RBFOX1: variants seen among roughly 807,000 people sequenced by gnomAD.
The protein encoded by RBFOX1 is RNA binding protein fox-1 homolog 1.
In RBFOX1, 8 loss-of-function variants were observed where a neutral mutation model predicts 57.7. The observed-to-expected ratio is 0.14, with a 90% CI of 0.08 to 0.25. The LOEUF (loss-of-function observed/expected upper bound fraction) is 0.25. Among genes scored for constraint, RBFOX1 ranks in the 10% least tolerant of loss-of-function variants. The pLI is 1.00. For missense variants in RBFOX1, 611 were observed against 548.5 expected (o/e 1.11, Z -1.14); for synonymous variants, 326 against 222.4 (o/e 1.47, Z -4.15).
chr16:6,941,994 G>A (rs1477904320), intron 3 of RBFOX1, among the ~76,000 whole-genome samples: 9 of 152,190 alleles, frequency 5.9e-5, no homozygotes, highest in East Asian at 1.9e-4. Context: ...TTTACCAGGC[G>A]GAGGTGGGCA....
intron 3 of RBFOX1, among the ~76,000 whole-genome samples, chr16:7,011,809 G>T (rs965780635): frequency 6.6e-6 from 1 of 152,122 alleles, no homozygotes; most frequent in Non-Finnish European, 1.5e-5. Flanking sequence ...CCGCCGCACC[G>T]TGCCCCAAGT....
intron 2 of RBFOX1, among the ~76,000 whole-genome samples, chr16:6,321,828 T>G (rs1294781925): frequency 6.6e-6 from 1 of 152,232 alleles, no homozygotes; most frequent in Non-Finnish European, 1.5e-5. Flanking sequence ...ATTTCCTCAG[T>G]ATTCGTCTTC....
At position 5,834,577 on chromosome 16, in the gene RBFOX1, CATAGATAG is replaced by C. The variant is rs141276552; in HGVS notation, c.319-32687_319-32680del. On this transcript the variant is annotated intron_variant, in intron 3 of 19. Coordinates refer to the RBFOX1 transcript ENST00000641259. ...GTGATAAATATAGAAGTGCATGTGT[CATAGATAG>C]ATAGATAGATAGATAGATAGATAGA... Among the ~76,000 whole-genome samples the C allele has an allele frequency of 1.0e-2, 1,474 of 147,474 alleles. 8 individuals are homozygous for C. The highest frequency in any genetic ancestry group is 0.023 in the African/African-American group (895 of 39,354).
chr16:6,619,773 T>A (rs12922248), intron 2 of RBFOX1, among the ~76,000 whole-genome samples: 27,826 of 150,708 alleles, frequency 0.18, 3,011 homozygotes, highest in Middle Eastern at 0.24. Context: ...ACCTGTGTCA[T>A]GGGGACTTGT....
chr16:6,494,818 G>A (rs778387845), intron 2 of RBFOX1, among the ~76,000 whole-genome samples: 3 of 152,284 alleles, frequency 2.0e-5, no homozygotes, highest in Non-Finnish European at 2.9e-5. Context: ...TTGTACCCAC[G>A]TCTTAATGTT....
At position 6,759,473 on chromosome 16, in the gene RBFOX1, CTGTGTGTGTGTGTGTGTG is replaced by C. The variant is rs71145287; in HGVS notation, c.-16+104855_-16+104872del. 6.6e-3 allele frequency among the ~76,000 whole-genome samples: 945 copies of C among 143,166 alleles called. 4 individuals are homozygous for C. The highest frequency in any genetic ancestry group is 0.018 in the African/African-American group (673 of 37,292). 93.9% of individuals were successfully genotyped at this position (143,166 alleles called of 152,430 possible). A position where few individuals can be genotyped will look rare whatever the true frequency, so the allele number is the denominator to read the frequency against. ...CTTCATTTCTTGATATGTCAGTTGT[CTGTGTGTGTGTGTGTGTG>C]TGTGTGTGTGTGTGTGTGTGTGTGT... On this transcript the variant is annotated intron_variant, in intron 3 of 15. Transcript: ENST00000550418.
intron 2 of RBFOX1, among the ~76,000 whole-genome samples, chr16:6,651,223 C>T (rs1233718573): frequency 6.6e-6 from 1 of 152,146 alleles, no homozygotes; most frequent in Non-Finnish European, 1.5e-5. Flanking sequence ...ATGTTTGTAA[C>T]TCCCTACACA....
chr16:7,697,746 G>C (rs148679652), intron 14 of RBFOX1, among the ~76,000 whole-genome samples: 8 of 152,060 alleles, frequency 5.3e-5, no homozygotes, highest in African/African-American at 9.7e-5. Flanking sequence ...TTCACCCTTG[G>C]AACTTTGGCC....
In RBFOX1 at chr16:6,402,254, C is replaced by G. The variant is rs189087609; in HGVS notation, c.-64+85197C>G. 3.3e-4 allele frequency among the ~76,000 whole-genome samples: 50 copies of G among 152,238 alleles called. 1 individual carries two copies. Among genetic ancestry groups the G allele is most frequent in the Admixed American group, 1.6e-3 (25 of 15,286 alleles). ...TGACCCTGACATTCATCCCCACCCA[C>G]TGGTCTCTGGGGTAGAATAAACTTC... is the stretch of plus-strand genomic sequence containing the variant. On this transcript the variant is annotated intron_variant, in intron 2 of 15. Coordinates refer to ENST00000550418, the MANE Select transcript of RBFOX1 (RefSeq NM_018723.4).
chr16:6,196,992 A>G (rs2097183901), intron 1 of RBFOX1, among the ~76,000 whole-genome samples: 1 of 152,194 alleles, frequency 6.6e-6, no homozygotes, highest in Non-Finnish European at 1.5e-5. Context: ...TGTGTGTATT[A>G]GAGTGGAATA....
At chr16:6,935,550 G>A (rs1422444582) in intron 3 of RBFOX1, among the ~76,000 whole-genome samples, 1 of 152,146 alleles carries the variant, frequency 6.6e-6, no homozygotes, top group East Asian at 1.9e-4. Flanking sequence ...AGTAGTATTT[G>A]CAGCCAAGAT....
At chr16:6,466,137 A>G (rs1036571770) in intron 2 of RBFOX1, among the ~76,000 whole-genome samples, 6 of 151,706 alleles carry the variant, frequency 4.0e-5, no homozygotes, top group Non-Finnish European at 8.8e-5. Flanking sequence ...GCTGAGGCAG[A>G]AGAATCGCTT....
intron 1 of RBFOX1, among the ~76,000 whole-genome samples, chr16:6,295,697 C>G (rs1246315994): frequency 6.6e-6 from 1 of 152,158 alleles, no homozygotes; most frequent in Non-Finnish European, 1.5e-5. Context: ...GTGTGTGATG[C>G]TGAAGGTACC....
chr16:7,411,887 G>A (rs1381357572), intron 4 of RBFOX1, among the ~76,000 whole-genome samples: 4 of 105,098 alleles, frequency 3.8e-5, no homozygotes, highest in African/African-American at 1.5e-4. Context: ...TGGACAACAA[G>A]AGCAAAACTC....
intron 4 of RBFOX1, among the ~76,000 whole-genome samples, chr16:7,320,615 A>G (rs777352295): frequency 6.6e-6 from 1 of 152,236 alleles, no homozygotes; most frequent in African/African-American, 2.4e-5. Context: ...TTGCTTAAGC[A>G]AAAATGGGGA....
intron 1 of RBFOX1, among the ~76,000 whole-genome samples, chr16:6,147,732 T>G (rs1324307414): frequency 1.3e-5 from 2 of 152,202 alleles, no homozygotes; most frequent in Non-Finnish European, 2.9e-5. Context: ...TCCCCAGTCC[T>G]CGCACCAAAA....
In RBFOX1 at chr16:7,518,206, G is replaced by C. The variant is rs760565499; in HGVS notation, c.87G>C (p.Gln29His). The C allele has an allele frequency of 6.2e-7, 1 of 1,614,056 alleles. No homozygotes were observed. The highest frequency in any genetic ancestry group is 1.1e-5 in the South Asian group (1 of 91,054). ...TGGCTCAGCCTTACGCTTCGGCCCAGTTTGCTCCCCCGCAGAACGGTATCC... is the reference window on the plus strand; with the variant it reads ...TGGCTCAGCCTTACGCTTCGGCCCACTTTGCTCCCCCGCAGAACGGTATCC... ...DTMAQPYASAQFAPPQNGIPA... is the reference protein window; with the variant it reads ...DTMAQPYASAHFAPPQNGIPA... Residue 29 changes from glutamine to histidine, a missense_variant, in exon 5 of 16, where the codon CAG becomes CAC. Around this residue, in one of 3 missense-constraint regions of RBFOX1, gnomAD observed 245 missense variants for 159.1 expected, o/e 1.54. Transcript: ENST00000550418.
At chr16:6,962,805 C>T (rs2083300125) in intron 3 of RBFOX1, among the ~76,000 whole-genome samples, 2 of 151,630 alleles carry the variant, frequency 1.3e-5, no homozygotes, top group African/African-American at 2.4e-5. Flanking sequence ...ATGGAGGCTG[C>T]AGTGAGCTGT....
At chr16:6,035,986 T>C (rs2095360190) in intron 1 of RBFOX1, among the ~76,000 whole-genome samples, 1 of 152,194 alleles carries the variant, frequency 6.6e-6, no homozygotes, top group Non-Finnish European at 1.5e-5. Context: ...TACTCCTCTT[T>C]CCTGAGGTGC....
Sources: allele counts gnomAD v4.1 joint callset (sites outside exome capture counted in the v4.1 genomes callset), GRCh38; gene constraint gnomAD v4.1.1; regional missense constraint gnomAD v4.1.1; transcripts MANE v1.5; gene names NCBI Gene and HGNC (gene_info 2026-07-23, HGNC 2026-07-21).